XAGE5: variants seen among roughly 807,000 people sequenced by gnomAD.
XAGE5 encodes the protein G antigen, family D, 5.
Under a neutral mutation model 13.1 loss-of-function variants are expected in XAGE5, and 13 were observed. The observed-to-expected ratio is 0.99, with a 90% CI of 0.64 to 1.57. The LOEUF (loss-of-function observed/expected upper bound fraction) is 1.57. XAGE5 is among the 40% of genes most tolerant of loss of function. XAGE5 has a pLI of 0.00. For missense variants in XAGE5, 86 were observed against 77.6 expected, an observed-to-expected ratio of 1.11 and a Z score of -0.41; for synonymous variants, 17 against 25.0, an observed-to-expected ratio of 0.68 and a Z score of 0.96.
intron 5 of XAGE5, among the ~76,000 whole-genome samples, chrX:52,815,459 G>A (rs1556777998): frequency 8.9e-6 from 1 of 112,036 alleles, no homozygotes; most frequent in African/African-American, 3.2e-5. Context: ...TCTTACTTCT[G>A]ATTATAACCA....
intron 5 of XAGE5, among the ~76,000 whole-genome samples, chrX:52,817,608 T>C (rs1293595228): frequency 5.4e-5 from 6 of 112,103 alleles, no homozygotes; most frequent in Non-Finnish European, 1.1e-4. Flanking sequence ...CAAAGCAATA[T>C]CACAGCACTT....
chrX:52,812,453 T>C (rs1167346786), intron 2 of XAGE5, 106 bp from the exon 3 acceptor site: 1 of 629,237 alleles, frequency 1.6e-6, no homozygotes, highest in African/African-American at 2.2e-5. Context: ...TTTGTATTTT[T>C]AGTAGAGACG....
In XAGE5 at chrX:52,813,064, A is replaced by G. The variant is rs1466951784; in HGVS notation, c.73-76A>G. 1.5e-4 allele frequency: 107 copies of G among 723,658 alleles called. No individual in the cohort carries two copies. In the Admixed American group the frequency reaches 2.5e-3, roughly 17 times the overall value. The allele number at this position is 723,658 out of a possible 1,213,427, so 59.6% of individuals were successfully genotyped here. On this transcript the variant is annotated intron_variant, in intron 3 of 5. Coordinates refer to ENST00000375501, the MANE Select transcript of XAGE5 (RefSeq NM_001386970.1). ...AAGTATCTGTGTAATCTGTATATTCATATTATTGACATGCATTGATAAGAA... is the reference window on the plus strand; with the variant it reads ...AAGTATCTGTGTAATCTGTATATTCGTATTATTGACATGCATTGATAAGAA...
At chrX:52,813,041 G>GT in intron 3 of XAGE5, 99 bp from the exon 4 acceptor site, 1 of 618,324 alleles carries the variant, frequency 1.6e-6, no homozygotes, top group Non-Finnish European at 2.7e-6. Context: ...ATGATCAGAA[G>GT]TATCTGTGTA....
chrX:52,817,956 C>A (rs1470988808), intron 5 of XAGE5, among the ~76,000 whole-genome samples: 1 of 111,715 alleles, frequency 9.0e-6, no homozygotes, highest in Non-Finnish European at 1.9e-5. Flanking sequence ...TTTTGGTTTC[C>A]TTCTAGCACT....
chrX:52,813,217 A>G lies in XAGE5; in HGVS notation c.150A>G (p.Glu50=), dbSNP rs1290806517. The G allele has an allele frequency of 8.3e-7, 1 of 1,208,893 alleles. No individual in the cohort carries two copies. Among genetic ancestry groups the G allele is most frequent in the African/African-American group, 1.8e-5 (1 of 57,044 alleles). ...SQDHTPGQKR[E]DDQGAAEIQV... ...ATCATACACCTGGTCAGAAGAGAGA[A>G]GATGATCAGGGTGCAGCTGAGATTC... The change falls in exon 4 of 6, where the codon GAA becomes GAG. Residue 50 remains glutamate, a synonymous_variant. Transcript: ENST00000375501.
At position 52,818,184 on chromosome X, in the gene XAGE5, A is replaced by G. The variant is rs781923916; in HGVS notation, c.305-7A>G. 61 of 1,209,557 alleles carry G rather than the reference A, an allele frequency of 5.0e-5. 1 individual carries two copies. In the South Asian group the frequency reaches 1.0e-3, roughly 21 times the overall value. On this transcript the variant is annotated splice_region_variant and splice_polypyrimidine_tract_variant and intron_variant, in intron 5 of 5. Transcript: ENST00000375501. ...TAATGTTCCCTCCTGTTATGTTTCTATTGCAGGGGAAGGGAAACCACAGCT... is the reference window on the plus strand; with the variant it reads ...TAATGTTCCCTCCTGTTATGTTTCTGTTGCAGGGGAAGGGAAACCACAGCT...
At chrX:52,814,897 G>T in intron 4 of XAGE5, 195 bp from the exon 5 acceptor site, 1 of 440,526 alleles carries the variant, frequency 2.3e-6, no homozygotes, top group Non-Finnish European at 3.9e-6. Flanking sequence ...AGTAAAGTAT[G>T]GGAAATGTAG....
rs781891406 is a variant in XAGE5, at chrX:52,815,157, A to G, written c.244A>G (p.Ser82Gly). 10 of 1,209,389 alleles carry G rather than the reference A, an allele frequency of 8.3e-6. No individual in the cohort carries two copies. The highest frequency in any genetic ancestry group is 4.6e-4 in the Middle Eastern group (2 of 4,363). ...AAAGACTGGGGATGAATGCGGAGAT[A>G]GTCCTGATGTCCAGGGGAAGATTCT... Reference protein sequence around the residue: ...QSKTGDECGDSPDVQGKILPK... With the variant: ...QSKTGDECGDGPDVQGKILPK... The change falls in exon 5 of 6, where the codon AGT becomes GGT. Residue 82 changes from serine to glycine, a missense_variant. Coordinates refer to ENST00000375501, the MANE Select transcript of XAGE5 (RefSeq NM_001386970.1).
intron 4 of XAGE5, among the ~76,000 whole-genome samples, chrX:52,813,854 T>C (rs1926851925): frequency 9.0e-6 from 1 of 110,745 alleles, no homozygotes; most frequent in Non-Finnish European, 1.9e-5. Flanking sequence ...AATATACGAA[T>C]TAGTTGGGCA....
intron 5 of XAGE5, among the ~76,000 whole-genome samples, chrX:52,815,719 G>T (rs1556778038): frequency 8.9e-6 from 1 of 112,234 alleles, no homozygotes; most frequent in Non-Finnish European, 1.9e-5. Flanking sequence ...CTCTGGTTCT[G>T]TTGGAGAGAA....
intron 5 of XAGE5, 25 bp from the exon 6 acceptor site, chrX:52,818,166 C>A: frequency 8.3e-7 from 1 of 1,209,270 alleles, no homozygotes; most frequent in Non-Finnish European, 1.1e-6. Flanking sequence ...TAGTAATGTT[C>A]CCTCCTGTTA....
At chrX:52,816,286 C>A (rs1926905342) in intron 5 of XAGE5, among the ~76,000 whole-genome samples, 1 of 112,053 alleles carries the variant, frequency 8.9e-6, no homozygotes, top group Non-Finnish European at 1.9e-5. Flanking sequence ...GACATTCAGA[C>A]CATACATTCA....
rs782683878 is a variant in XAGE5 at position 52,815,089 on chromosome X, C to T, written c.179-3C>T. ...TCCAGTCCATATCCTTGGTATTTTT[C>T]AGTGCCTAACCTGGAAGCTGATCTC... On this transcript the variant is annotated splice_polypyrimidine_tract_variant and splice_region_variant and intron_variant, in intron 4 of 5. Coordinates refer to ENST00000375501, the MANE Select transcript of XAGE5 (RefSeq NM_001386970.1). The T allele has an allele frequency of 2.5e-6, 3 of 1,210,867 alleles. No individual in the cohort carries two copies. The African/African-American group carries it at 5.2e-5, about 21-fold the overall frequency.
intron 5 of XAGE5, among the ~76,000 whole-genome samples, chrX:52,816,926 A>G (rs1926915654): frequency 8.9e-6 from 1 of 112,369 alleles, no homozygotes; most frequent in Admixed American, 9.5e-5. Context: ...AATAAACTTA[A>G]GGGAAAAGGA....
intron 3 of XAGE5, 86 bp downstream of exon 3, chrX:52,812,724 TA>T: frequency 1.2e-6 from 1 of 845,330 alleles, no homozygotes. Context: ...GATACACTGA[TA>T]AAGGTCTCCC....
intron 5 of XAGE5, among the ~76,000 whole-genome samples, chrX:52,815,723 G>C (rs1556778042): frequency 8.9e-6 from 1 of 112,071 alleles, no homozygotes; most frequent in East Asian, 2.8e-4. Context: ...GGTTCTGTTG[G>C]AGAGAATACA....
chrX:52,813,210 A>G lies in XAGE5; in HGVS notation c.143A>G (p.Lys48Arg). ...AGTCAGGATCATACACCTGGTCAGA[A>G]GAGAGAAGATGATCAGGGTGCAGCT... ...TESQDHTPGQ[K>R]REDDQGAAEI... The change falls in exon 4 of 6, where the codon AAG becomes AGG. Residue 48 changes from lysine (K) to arginine (R), a missense_variant. By Grantham distance (26) the Lys-to-Arg change is conservative (BLOSUM62 2). Coordinates refer to ENST00000375501, the MANE Select transcript of XAGE5 (RefSeq NM_001386970.1). 1 of 1,211,157 alleles carries G rather than the reference A, an allele frequency of 8.3e-7. No individual in the cohort carries two copies. Among genetic ancestry groups the G allele is most frequent in the Non-Finnish European group, 1.1e-6 (1 of 895,131 alleles).
intron 5 of XAGE5, among the ~76,000 whole-genome samples, chrX:52,817,212 A>T: frequency 8.9e-6 from 1 of 112,149 alleles, no homozygotes; most frequent in Non-Finnish European, 1.9e-5. Context: ...ACATTATTTA[A>T]TATGTCCCTG....
Sources: allele counts gnomAD v4.1 joint callset (sites outside exome capture counted in the v4.1 genomes callset), GRCh38; gene constraint gnomAD v4.1.1; transcripts MANE v1.5; gene names NCBI Gene and HGNC (gene_info 2026-07-23, HGNC 2026-07-21).